The following ADHFE1 variants were observed in gnomAD, a reference collection of about 807,000 sequenced individuals.
The protein encoded by ADHFE1 is alcohol dehydrogenase iron containing 1, also known as hydroxyacid-oxoacid transhydrogenase, mitochondrial.
Under a neutral mutation model 54.8 loss-of-function variants are expected in ADHFE1, and 37 were observed. The ratio of observed to expected loss-of-function variants is 0.68; its 90% CI spans 0.52 to 0.89. The LOEUF is 0.89. Among genes scored for constraint, ADHFE1 ranks in the 40% least tolerant of loss-of-function variants. ADHFE1 has a pLI of 0.00. For synonymous variants in ADHFE1, 203 were observed against 229.3 expected, an observed-to-expected ratio of 0.89 and a Z score of 1.04; for missense variants, 601 against 591.2, an observed-to-expected ratio of 1.02 and a Z score of -0.17.
chr8:66,447,482 C>A, intron 7 of ADHFE1, 141 bp downstream of exon 7: 1 of 692,768 alleles, frequency 1.4e-6, no homozygotes, highest in Non-Finnish European at 2.4e-6. Flanking sequence ...TGACGAAAGT[C>A]AGCAACAAAG....
intron 2 of ADHFE1, 83 bp from the exon 3 acceptor site, chr8:66,442,715 T>C (rs777953648): frequency 3.3e-6 from 4 of 1,200,686 alleles, no homozygotes; most frequent in Non-Finnish European, 4.8e-6. Flanking sequence ...GAAATACTTA[T>C]GTTCACTGCT....
chr8:66,451,092 A>T (rs560438661), intron 8 of ADHFE1, among the ~76,000 whole-genome samples: 80 of 152,342 alleles, frequency 5.3e-4, no homozygotes, highest in African/African-American at 1.9e-3. Flanking sequence ...TGCAAAATAT[A>T]GTTCATGTTA....
rs758068825 is a variant in ADHFE1 at position 66,460,431 on chromosome 8, A to G, written c.1286A>G (p.Asp429Gly). ...GLAAVGYSKA[D>G]IPALVKGTLP... The stretch of plus-strand genomic sequence containing the variant: ...GCAGCTGTTGGTTACTCCAAAGCTG[A>G]TATCCCCGCACTAGTGAAAGGAACG... Residue 429 changes from aspartate to glycine, a missense_variant, in exon 13 of 14, where the codon GAT becomes GGT. Asp to Gly is a moderately conservative substitution (Grantham distance 94). Transcript: ENST00000396623. 6.2e-7 allele frequency: 1 copy of G among 1,607,774 alleles called. No individual in the cohort carries two copies. Among genetic ancestry groups the G allele is most frequent in the Non-Finnish European group, 8.5e-7 (1 of 1,175,358 alleles).
chr8:66,449,474 A>G (rs1361976816), intron 8 of ADHFE1, among the ~76,000 whole-genome samples: 2 of 152,220 alleles, frequency 1.3e-5, no homozygotes, highest in Non-Finnish European at 2.9e-5. Flanking sequence ...AGCACCTCAC[A>G]TACATCACTT....
intron 9 of ADHFE1, chr8:66,453,684 C>G: frequency 7.3e-7 from 1 of 1,368,002 alleles, no homozygotes; most frequent in Non-Finnish European, 9.8e-7. Flanking sequence ...CCCCGGGCAT[C>G]TGAGAATGTT....
intron 13 of ADHFE1, among the ~76,000 whole-genome samples, chr8:66,464,813 A>C (rs898114271): frequency 2.0e-5 from 3 of 152,282 alleles, no homozygotes; most frequent in African/African-American, 7.2e-5. Context: ...CCATTTTCAG[A>C]ACTCTTTTTT....
chr8:66,460,189 T>G lies in ADHFE1; in HGVS notation c.1163-119T>G. The G allele has an allele frequency of 7.6e-6, 10 of 1,309,716 alleles. 1 individual carries two copies. In the South Asian group the frequency reaches 1.3e-4, roughly 17 times the overall value. The allele number at this position is 1,309,716 out of a possible 1,614,324, so 81.1% of individuals were successfully genotyped here. A position where few individuals can be genotyped will look rare whatever the true frequency, so the allele number is the denominator to read the frequency against. Reference sequence around the variant, plus strand: ...CCTGGGGAGGCACACGATGGCCCCGTGCTGGGCGTTAGGGAGACCCCGTGG... The same window carrying G: ...CCTGGGGAGGCACACGATGGCCCCGGGCTGGGCGTTAGGGAGACCCCGTGG... On this transcript the variant is annotated intron_variant, in intron 12 of 13. Transcript: ENST00000396623.
rs928238850 is a variant in ADHFE1, at chr8:66,447,301, G to T, written c.588G>T (p.Gly196=). 8.7e-6 allele frequency: 14 copies of T among 1,613,078 alleles called. No individual in the cohort carries two copies. Among genetic ancestry groups the T allele is most frequent in the Non-Finnish European group, 1.2e-5 (14 of 1,179,536 alleles). The change falls in exon 7 of 14, where the codon GGG becomes GGT. Residue 196 remains glycine (G), a synonymous_variant. Coordinates refer to ENST00000396623, the MANE Select transcript of ADHFE1 (RefSeq NM_144650.3). Reference sequence around the variant, plus strand: ...CAGGAACCGGGAGTGAAACTACTGGGGTTGCCATTTTTGACTATGAACACT... The same window carrying T: ...CAGGAACCGGGAGTGAAACTACTGGTGTTGCCATTTTTGACTATGAACACT... ...TTSGTGSETT[G]VAIFDYEHLK...
intron 2 of ADHFE1, among the ~76,000 whole-genome samples, chr8:66,441,986 G>A (rs114487318): frequency 0.014 from 2,123 of 151,570 alleles, 59 homozygotes; most frequent in African/African-American, 0.049. Context: ...AAAAAAAAAG[G>A]TTTATTAAAT....
At chr8:66,446,717 T>C (rs1277987272) in intron 6 of ADHFE1, among the ~76,000 whole-genome samples, 1 of 152,222 alleles carries the variant, frequency 6.6e-6, no homozygotes, top group African/African-American at 2.4e-5. Context: ...CATACATGCA[T>C]ATTAAACACA....
intron 13 of ADHFE1, among the ~76,000 whole-genome samples, chr8:66,465,149 G>T (rs762145411): frequency 3.9e-5 from 6 of 152,104 alleles, no homozygotes; most frequent in African/African-American, 7.2e-5. Flanking sequence ...TCCACCTTTT[G>T]ACTATTATGA....
chr8:66,434,659 G>A (rs1805371547), intron 1 of ADHFE1, among the ~76,000 whole-genome samples: 1 of 152,228 alleles, frequency 6.6e-6, no homozygotes, highest in Non-Finnish European at 1.5e-5. Flanking sequence ...CTATTGGACA[G>A]AGCATGCACT....
chr8:66,437,331 G>A (rs1231206840), intron 1 of ADHFE1, among the ~76,000 whole-genome samples: 16 of 152,118 alleles, frequency 1.1e-4, no homozygotes, highest in Admixed American at 1.0e-3. Flanking sequence ...GCGATTTAGG[G>A]AATGCAAGAC....
intron 12 of ADHFE1, 41 bp downstream of exon 12, chr8:66,457,207 G>C (rs774524835): frequency 1.3e-6 from 2 of 1,578,734 alleles, no homozygotes; most frequent in Admixed American, 3.4e-5. Flanking sequence ...GGCCAGGCAC[G>C]GTGGCTCCCA....
intron 5 of ADHFE1, 58 bp from the exon 6 acceptor site, chr8:66,445,160 C>T (rs767215207): frequency 1.9e-4 from 278 of 1,477,650 alleles, no homozygotes; most frequent in Non-Finnish European, 2.4e-4. Flanking sequence ...TAGTTAATGG[C>T]ATGGCAATTT....
intron 7 of ADHFE1, among the ~76,000 whole-genome samples, chr8:66,448,416 T>C (rs947177343): frequency 3.3e-5 from 5 of 152,228 alleles, no homozygotes; most frequent in African/African-American, 1.2e-4. Context: ...CCTGTGCTAT[T>C]ATTATAGTCT....
chr8:66,462,452 G>A (rs1467004425), intron 13 of ADHFE1, among the ~76,000 whole-genome samples: 1 of 152,150 alleles, frequency 6.6e-6, no homozygotes, highest in Non-Finnish European at 1.5e-5. Context: ...AGGTCTCACT[G>A]TGTTACCCAG....
At chr8:66,435,001 A>G (rs1485588076) in intron 1 of ADHFE1, among the ~76,000 whole-genome samples, 1 of 152,134 alleles carries the variant, frequency 6.6e-6, no homozygotes, top group African/African-American at 2.4e-5. Flanking sequence ...AAGATGTGCA[A>G]TGCAGCCCTG....
chr8:66,440,322 T>C, intron 2 of ADHFE1, 123 bp downstream of exon 2: 3 of 874,304 alleles, frequency 3.4e-6, no homozygotes, highest in Non-Finnish European at 5.5e-6. Context: ...TGAAAACAGT[T>C]ACCATTTCAC....
Sources: allele counts gnomAD v4.1 joint callset (sites outside exome capture counted in the v4.1 genomes callset), GRCh38; gene constraint gnomAD v4.1.1; transcripts MANE v1.5; gene names NCBI Gene and HGNC (gene_info 2026-07-23, HGNC 2026-07-21).